RSPH6A: variants seen among roughly 807,000 people sequenced by gnomAD.
RSPH6A encodes radial spoke head protein 6 homolog A.
RSPH6A carries 49 observed loss-of-function variants against 66.1 expected under a neutral mutation model. The ratio of observed to expected loss-of-function variants is 0.74; its 90% CI spans 0.59 to 0.94. RSPH6A has a LOEUF of 0.94. Ranked by LOEUF, RSPH6A falls within the 40% of genes least tolerant of loss-of-function variation. The pLI is 0.00. For missense variants in RSPH6A, 977 were observed against 948.3 expected (o/e 1.03, Z -0.40); for synonymous variants, 419 against 402.4 (o/e 1.04, Z -0.49).
chr19:45,812,381 G>T (rs1265390872), intron 1 of RSPH6A, among the ~76,000 whole-genome samples: 1 of 152,120 alleles, frequency 6.6e-6, no homozygotes, highest in East Asian at 1.9e-4. Context: ...GAGCCACCAG[G>T]CCCGGCCACA....
At chr19:45,800,365 C>T (rs1342941356) in intron 5 of RSPH6A, 81 bp downstream of exon 5, 6 of 1,272,822 alleles carry the variant, frequency 4.7e-6, no homozygotes. Flanking sequence ...CTCTGCCCAC[C>T]CTGGCGAGTT....
chr19:45,811,029 C>T (rs1253406752), intron 1 of RSPH6A, 189 bp from the exon 2 acceptor site: 3 of 446,496 alleles, frequency 6.7e-6, no homozygotes, highest in Non-Finnish European at 1.2e-5. Context: ...GAGTCTTGCT[C>T]TGTTGCTCAG....
At chr19:45,803,624 C>T (rs1357365856) in intron 3 of RSPH6A, among the ~76,000 whole-genome samples, 1 of 151,214 alleles carries the variant, frequency 6.6e-6, no homozygotes, top group Non-Finnish European at 1.5e-5. Context: ...TTGCGGTGAG[C>T]CGAGATCACG....
chr19:45,800,310 T>C, intron 5 of RSPH6A, 136 bp downstream of exon 5: 1 of 698,286 alleles, frequency 1.4e-6, no homozygotes, highest in East Asian at 2.7e-5. Context: ...CTAGGAGCTA[T>C]GAGGGCATTA....
intron 4 of RSPH6A, among the ~76,000 whole-genome samples, chr19:45,801,633 C>T (rs566789371): frequency 3.2e-4 from 49 of 152,250 alleles, no homozygotes; most frequent in African/African-American, 9.4e-4. Context: ...TGGTGGCACA[C>T]GCCTGCAATC....
intron 3 of RSPH6A, among the ~76,000 whole-genome samples, chr19:45,803,591 C>A (rs555419858): frequency 6.6e-6 from 1 of 150,400 alleles, no homozygotes; most frequent in African/African-American, 2.4e-5. Flanking sequence ...TGGGAGAATT[C>A]GCTTGAACTA....
intron 1 of RSPH6A, among the ~76,000 whole-genome samples, chr19:45,814,273 G>C (rs1187530485): frequency 1.3e-5 from 2 of 152,128 alleles, no homozygotes; most frequent in Non-Finnish European, 2.9e-5. Flanking sequence ...TCTGTGTCTC[G>C]GTCTCCTCCT....
intron 1 of RSPH6A, among the ~76,000 whole-genome samples, chr19:45,811,783 TA>T (rs1970633321): frequency 8.3e-6 from 1 of 120,294 alleles, no homozygotes; most frequent in Non-Finnish European, 1.8e-5. Context: ...TTATTATTAT[TA>T]TTATTAGAGA....
chr19:45,813,191 A>G (rs941871344), intron 1 of RSPH6A, among the ~76,000 whole-genome samples: 10 of 151,888 alleles, frequency 6.6e-5, no homozygotes, highest in African/African-American at 2.4e-4. Context: ...GCCCCTCCTT[A>G]CTGCTCCTCA....
intron 3 of RSPH6A, among the ~76,000 whole-genome samples, chr19:45,803,278 G>A (rs1194575515): frequency 6.6e-6 from 1 of 151,976 alleles, no homozygotes; most frequent in East Asian, 1.9e-4. Context: ...TACTCGGGAG[G>A]CTAAGGTGGG....
chr19:45,804,280 A>G lies in RSPH6A; in HGVS notation c.1625T>C (p.Val542Ala), dbSNP rs1047104933. The change falls in exon 3 of 6, where the codon GTG becomes GCG. Residue 542 changes from valine to alanine, a missense_variant. Transcript: ENST00000221538. This position sits in a 1 kb window ranked among gnomAD's most constrained non-coding sequence, Gnocchi z 5.8. ...LELVDSMANWVHHTQHILPQG... is the reference protein window; with the variant it reads ...LELVDSMANWAHHTQHILPQG... Reference sequence around the variant, plus strand: ...CGGCAGGATGTGCTGTGTGTGATGCACCCAGTTGGCCATGGAGTCGACCAG... The same window carrying G: ...CGGCAGGATGTGCTGTGTGTGATGCGCCCAGTTGGCCATGGAGTCGACCAG... The G allele has an allele frequency of 7.4e-6, 12 of 1,613,186 alleles. No individual in the cohort carries two copies. The Middle Eastern group carries it at 6.6e-4, about 89-fold the overall frequency.
intron 3 of RSPH6A, among the ~76,000 whole-genome samples, chr19:45,803,688 GAAAAGAA>G (rs1418159842): frequency 2.1e-5 from 2 of 94,720 alleles, no homozygotes; most frequent in African/African-American, 1.0e-4. Flanking sequence ...AAAAAGAAAA[GAAAAGAA>G]AAAAAAAAAA....
intron 2 of RSPH6A, among the ~76,000 whole-genome samples, chr19:45,807,362 C>T (rs1255889422): frequency 8.6e-5 from 13 of 151,632 alleles, no homozygotes; most frequent in South Asian, 6.3e-4. Flanking sequence ...ACTACAGGCG[C>T]CCACCACCAT....
intron 5 of RSPH6A, among the ~76,000 whole-genome samples, chr19:45,797,623 T>A (rs1300692762): frequency 6.6e-6 from 1 of 151,964 alleles, no homozygotes; most frequent in African/African-American, 2.4e-5. Flanking sequence ...AGGCCTGTAA[T>A]CCCAGCACTT....
intron 1 of RSPH6A, among the ~76,000 whole-genome samples, chr19:45,813,662 T>C (rs1192451410): frequency 6.6e-6 from 1 of 152,220 alleles, no homozygotes; most frequent in Non-Finnish European, 1.5e-5. Context: ...CACTATTTCA[T>C]GTGTTCCCTA....
At chr19:45,806,147 G>A (rs1970539949) in intron 2 of RSPH6A, among the ~76,000 whole-genome samples, 1 of 152,198 alleles carries the variant, frequency 6.6e-6, no homozygotes, top group Non-Finnish European at 1.5e-5. Context: ...TAAGGGAGAA[G>A]ACAGGTCTCG....
At chr19:45,812,717 A>G (rs979387606) in intron 1 of RSPH6A, among the ~76,000 whole-genome samples, 2 of 151,968 alleles carry the variant, frequency 1.3e-5, no homozygotes, top group Non-Finnish European at 2.9e-5. Context: ...TTTGTTTGAG[A>G]CAGAGTCTCG....
intron 4 of RSPH6A, 74 bp downstream of exon 4, chr19:45,802,046 G>T: frequency 7.6e-7 from 1 of 1,323,580 alleles, no homozygotes. Flanking sequence ...ATGGACCCCA[G>T]CAGTCCAGCC....
chr19:45,802,484 G>T (rs962870065), intron 3 of RSPH6A, among the ~76,000 whole-genome samples: 1 of 150,488 alleles, frequency 6.6e-6, no homozygotes, highest in African/African-American at 2.5e-5. Flanking sequence ...CCCCATTCAT[G>T]CATTCATTCA....
Sources: allele counts gnomAD v4.1 joint callset (sites outside exome capture counted in the v4.1 genomes callset), GRCh38; gene constraint gnomAD v4.1.1; non-coding constraint Gnocchi (gnomAD v3.1); transcripts MANE v1.5; gene names NCBI Gene and HGNC (gene_info 2026-07-23, HGNC 2026-07-21).